Variants in MPPED2 observed in about 807,000 individuals in gnomAD.
The protein encoded by MPPED2 is metallophosphoesterase domain containing 2, also known as metallophosphoesterase MPPED2.
A neutral mutation model predicts 33.0 loss-of-function variants in MPPED2; 5 were observed. The observed-to-expected ratio is 0.15, with a 90% confidence interval of 0.08 to 0.32. The LOEUF (loss-of-function observed/expected upper bound fraction) is 0.32, where lower values mean the gene tolerates loss of function less well. MPPED2 is among the 10% of genes least tolerant of loss of function. The pLI, the probability that MPPED2 is intolerant of heterozygous loss-of-function variation, is 1.00. For synonymous variants in MPPED2, 136 were observed against 141.9 expected, an observed-to-expected ratio of 0.96 and a Z score of 0.29; for missense variants, 275 against 372.1, an observed-to-expected ratio of 0.74 and a Z score of 2.15.
At chr11:30,388,376 G>A (rs184441867) in exon 7 of MPPED2, 1 of 152,878 alleles carries the variant, frequency 6.5e-6, no homozygotes, top group Non-Finnish European at 1.5e-5. Context: ...GGACAGTTAA[G>A]GGGGCCAGCC....
chr11:30,560,976 C>T (rs1475026368), intron 2 of MPPED2, among the ~76,000 whole-genome samples: 1 of 152,092 alleles, frequency 6.6e-6, no homozygotes, highest in African/African-American at 2.4e-5. Flanking sequence ...TTCTTGGTGC[C>T]CTGAATAGAA....
chr11:30,411,540 C>T lies in MPPED2; in HGVS notation c.813G>A (p.Ser271=), dbSNP rs760225803. The T allele has an allele frequency of 5.0e-6, 8 of 1,613,714 alleles. No individual in the cohort carries two copies. In the East Asian group the frequency reaches 6.7e-5, roughly 13 times the overall value. ...TDGYTTYINA[S]TCTVSFQPTN... ...TCGGTTGAAAGCTGACTGTACACGT[C>T]GAGGCATTGATGTACGTTGTGTAAC... The change falls in exon 7 of 7, where the codon TCG becomes TCA. Residue 271 remains serine (S), a synonymous_variant. Transcript: ENST00000358117.
At chr11:30,479,277 G>A (rs930924961) in intron 4 of MPPED2, among the ~76,000 whole-genome samples, 13 of 152,118 alleles carry the variant, frequency 8.5e-5, no homozygotes, top group African/African-American at 3.1e-4. Flanking sequence ...CCGGAGACCT[G>A]ACGTAGATGA....
exon 7 of MPPED2, chr11:30,386,145 G>A (rs1021200030): frequency 1.3e-5 from 2 of 152,246 alleles, no homozygotes; most frequent in Non-Finnish European, 2.9e-5. Flanking sequence ...TGGTTGTGTG[G>A]TGGAGAAGGA....
intron 4 of MPPED2, among the ~76,000 whole-genome samples, chr11:30,465,980 C>A (rs1590387677): frequency 1.3e-5 from 2 of 152,164 alleles, no homozygotes; most frequent in East Asian, 3.9e-4. Flanking sequence ...AAGGCCTTCC[C>A]CAAATATTAA....
At chr11:30,388,515 T>TCTC in exon 7 of MPPED2, 3 of 163,324 alleles carry the variant, frequency 1.8e-5, no homozygotes, top group Admixed American at 6.2e-5. Flanking sequence ...GAGGGACTGT[T>TCTC]GGTAGGGGAT....
intron 6 of MPPED2, among the ~76,000 whole-genome samples, chr11:30,404,508 G>A (rs755225953): frequency 1.5e-4 from 23 of 152,170 alleles, no homozygotes; most frequent in Non-Finnish European, 3.4e-4. Flanking sequence ...GAAGCTACTT[G>A]GGATTGACAC....
chr11:30,444,293 G>A (rs1033232239), intron 4 of MPPED2, among the ~76,000 whole-genome samples: 5 of 152,106 alleles, frequency 3.3e-5, no homozygotes, highest in African/African-American at 1.2e-4. Flanking sequence ...GCTCGGGGCA[G>A]GGTTGTCACT....
intron 2 of MPPED2, among the ~76,000 whole-genome samples, chr11:30,576,622 G>A (rs1334028996): frequency 6.6e-6 from 1 of 151,982 alleles, no homozygotes. Flanking sequence ...GGTGTTTTCA[G>A]ACCTACATTG....
In MPPED2 at chr11:30,443,559, G is replaced by A. The variant is rs1949676458; in HGVS notation, c.537-25926C>T. Among the ~76,000 whole-genome samples, 3 of 152,130 alleles carry A rather than the reference G, an allele frequency of 2.0e-5. No individual in the cohort carries two copies. In the South Asian group the frequency reaches 6.2e-4, roughly 32 times the overall value. ...GAGGGTGGGGAGTGAAAGCAGACAA[G>A]TGATAGACTAAATAATCCAAAAGAT... On this transcript the variant is annotated intron_variant, in intron 4 of 6. Coordinates refer to ENST00000358117, the MANE Select transcript of MPPED2 (RefSeq NM_001584.3).
chr11:30,410,784 C>A lies in MPPED2; in HGVS notation c.*684G>T. The A allele has an allele frequency of 1.0e-6, 1 of 985,460 alleles. No individual in the cohort carries two copies. The highest frequency in any genetic ancestry group is 1.2e-6 in the Non-Finnish European group (1 of 829,604). The allele number at this position is 985,460 out of a possible 1,614,324, so 61.0% of individuals were successfully genotyped here. On this transcript the variant is annotated 3_prime_UTR_variant, in exon 7 of 7. Transcript: ENST00000358117. ...AACCGTATGAAATACCTGCTCTTGA[C>A]AGATTCCATTTCTGTATTTTTAAAG...
intron 4 of MPPED2, among the ~76,000 whole-genome samples, chr11:30,455,841 G>C (rs931358072): frequency 9.2e-5 from 14 of 152,178 alleles, no homozygotes; most frequent in African/African-American, 3.4e-4. Context: ...ACTGCCTCTG[G>C]GCACATGCAG....
intron 4 of MPPED2, among the ~76,000 whole-genome samples, chr11:30,486,794 A>G (rs1370965463): frequency 6.6e-6 from 1 of 152,164 alleles, no homozygotes; most frequent in African/African-American, 2.4e-5. Flanking sequence ...CCTTGTTAAC[A>G]CATGTTATTA....
At chr11:30,580,609 T>C in intron 1 of MPPED2, 115 bp from the exon 2 acceptor site, 1 of 1,051,192 alleles carries the variant, frequency 9.5e-7, no homozygotes, top group African/African-American at 1.6e-5. Context: ...TGAATATGTG[T>C]TGTTGGCTCA....
chr11:30,478,921 A>T (rs1565108039), intron 4 of MPPED2, among the ~76,000 whole-genome samples: 1 of 152,130 alleles, frequency 6.6e-6, no homozygotes, highest in Non-Finnish European at 1.5e-5. Context: ...TTTGACAGAG[A>T]AAAAAGTTCT....
intron 4 of MPPED2, chr11:30,429,063 A>C (rs953082289): frequency 2.6e-5 from 4 of 152,226 alleles, no homozygotes; most frequent in African/African-American, 4.8e-5. Flanking sequence ...AATAAAAAGA[A>C]GACGTTCACT....
chr11:30,389,635 A>T (rs1947746206), intron 6 of MPPED2, among the ~76,000 whole-genome samples: 1 of 152,196 alleles, frequency 6.6e-6, no homozygotes, highest in Non-Finnish European at 1.5e-5. Flanking sequence ...CTTCATTTAC[A>T]TATCCTATCA....
chr11:30,412,641 T>C (rs925003447), intron 6 of MPPED2, among the ~76,000 whole-genome samples: 1 of 152,180 alleles, frequency 6.6e-6, no homozygotes, highest in Admixed American at 6.5e-5. Context: ...CTGCGCTGTT[T>C]AGTTCTGGGG....
chr11:30,536,249 T>G (rs1378220009), intron 2 of MPPED2, 74 bp from the exon 3 acceptor site: 5 of 1,286,304 alleles, frequency 3.9e-6, no homozygotes, highest in Non-Finnish European at 5.1e-6. Context: ...CACATACATA[T>G]TTATTATTAT....
Sources: allele counts gnomAD v4.1 joint callset (sites outside exome capture counted in the v4.1 genomes callset), GRCh38; gene constraint gnomAD v4.1.1; transcripts MANE v1.5; gene names NCBI Gene and HGNC (gene_info 2026-07-23, HGNC 2026-07-21).